Variants in PRORP observed in about 807,000 individuals in gnomAD.
PRORP encodes protein only RNase P catalytic subunit.
Under a neutral mutation model 59.4 loss-of-function variants are expected in PRORP, and 51 were observed. That is an observed-to-expected ratio of 0.86 (90% CI 0.69 to 1.08). The LOEUF is 1.08. Among genes scored for constraint, PRORP ranks in the 50% least tolerant of loss-of-function variants. PRORP has a pLI of 0.00. For missense variants in PRORP, 646 were observed against 690.3 expected (o/e 0.94, Z 0.72); for synonymous variants, 231 against 245.6 (o/e 0.94, Z 0.55).
At chr14:35,232,135 A>G (rs1310656575) in intron 5 of PRORP, among the ~76,000 whole-genome samples, 1 of 152,088 alleles carries the variant, frequency 6.6e-6, no homozygotes, top group Non-Finnish European at 1.5e-5. Flanking sequence ...TTATATCATA[A>G]TGAAAATCAT....
intron 5 of PRORP, chr14:35,222,281 A>G (rs1044526475): frequency 6.6e-6 from 1 of 152,216 alleles, no homozygotes; most frequent in Non-Finnish European, 1.5e-5. Flanking sequence ...ATTCATTAAG[A>G]ACCCATACCC....
intron 7 of PRORP, among the ~76,000 whole-genome samples, chr14:35,271,734 A>G (rs2051194996): frequency 6.6e-6 from 1 of 152,204 alleles, no homozygotes; most frequent in East Asian, 1.9e-4. Context: ...TCAATTATCA[A>G]AAAATATTGG....
At chr14:35,134,413 C>T (rs979866536) in intron 4 of PRORP, among the ~76,000 whole-genome samples, 5 of 152,140 alleles carry the variant, frequency 3.3e-5, no homozygotes, top group African/African-American at 1.2e-4. Flanking sequence ...CTGAAGCTAG[C>T]AATATCAGAG....
intron 6 of PRORP, among the ~76,000 whole-genome samples, chr14:35,269,553 TG>T (rs1436330604): frequency 2.6e-5 from 4 of 152,220 alleles, no homozygotes; most frequent in Admixed American, 6.5e-5. Flanking sequence ...TAGTGAATAG[TG>T]AGTCCTCATG....
intron 4 of PRORP, among the ~76,000 whole-genome samples, chr14:35,156,221 G>C (rs1192628261): frequency 1.3e-5 from 2 of 152,258 alleles, no homozygotes; most frequent in African/African-American, 4.8e-5. Flanking sequence ...CTAACTGGGA[G>C]ATGTGGAGTG....
In PRORP at chr14:35,152,995, C is replaced by T. The variant is rs868470827; in HGVS notation, c.1167+25384C>T. Among the ~76,000 whole-genome samples, 19 of 152,242 alleles carry T rather than the reference C, an allele frequency of 1.2e-4. No homozygotes were observed. In the South Asian group the frequency reaches 2.7e-3, roughly 22 times the overall value. On this transcript the variant is annotated intron_variant, in intron 4 of 7. Transcript: ENST00000534898. ...CTCACTTCCCAGACGGGGTGGCGGC[C>T]GGGCAGAGGCTGTAATCTCGGCACT...
At chr14:35,268,546 C>T (rs879829772) in intron 6 of PRORP, among the ~76,000 whole-genome samples, 5 of 152,092 alleles carry the variant, frequency 3.3e-5, no homozygotes, top group Non-Finnish European at 5.9e-5. Flanking sequence ...AGCCCCAAAT[C>T]TAGGTTTCAT....
intron 5 of PRORP, among the ~76,000 whole-genome samples, chr14:35,207,158 T>C (rs2049315687): frequency 1.3e-5 from 2 of 152,238 alleles, no homozygotes; most frequent in African/African-American, 4.8e-5. Context: ...GTCAGGCCAT[T>C]TACCTGGCGA....
At chr14:35,152,421 G>C (rs550259563) in intron 4 of PRORP, among the ~76,000 whole-genome samples, 1 of 152,306 alleles carries the variant, frequency 6.6e-6, no homozygotes, top group African/African-American at 2.4e-5. Context: ...TCATCATCAT[G>C]GCCCGTTCTC....
chr14:35,235,244 G>A, intron 5 of PRORP: 1 of 723,778 alleles, frequency 1.4e-6, no homozygotes. Flanking sequence ...CACAGACTTG[G>A]GACCCAGGAC....
rs1353397251 is a variant in PRORP, at chr14:35,124,138, C to A, written c.893C>A (p.Ser298Ter). Residue 298 changes from serine (S) to a stop codon, truncating the protein, a stop_gained, in exon 2 of 8, where the codon TCA (serine) becomes TAA (stop). Transcript: ENST00000534898. LOFTEE classifies it high-confidence loss of function. ...FGKDIKDDNY[S>*]NKLLDILSYL... The stretch of plus-strand genomic sequence containing the variant: ...AAAGACATAAAGGATGATAACTATT[C>A]AAATAAACTACTAGATATTCTTTCA... The A allele has an allele frequency of 1.9e-6, 3 of 1,610,200 alleles. No homozygotes were observed. The highest frequency in any genetic ancestry group is 1.7e-5 in the Admixed American group (1 of 59,340).
In PRORP at chr14:35,275,681, GC is replaced by G. The variant is rs1394177560; in HGVS notation, c.*2117del. The G allele has an allele frequency of 6.6e-6, 1 of 152,056 alleles. No homozygotes were observed. The highest frequency in any genetic ancestry group is 1.5e-5 in the Non-Finnish European group (1 of 68,014). 9.4% of individuals were successfully genotyped at this position (152,056 alleles called of 1,614,324 possible). ...GGAGCACATAGAGATAGAGGAGGAG[GC>G]CGAAGTGGTGGCTCATACCTGTTAA... On this transcript the variant is annotated 3_prime_UTR_variant, in exon 8 of 8. Transcript: ENST00000534898.
chr14:35,263,716 A>G (rs1016359723), intron 5 of PRORP, among the ~76,000 whole-genome samples: 1 of 151,920 alleles, frequency 6.6e-6, no homozygotes, highest in Non-Finnish European at 1.5e-5. Context: ...AATATTGGGT[A>G]CTCCGTTACT....
At chr14:35,214,714 C>T (rs868145540) in intron 5 of PRORP, among the ~76,000 whole-genome samples, 1 of 152,148 alleles carries the variant, frequency 6.6e-6, no homozygotes, top group South Asian at 2.1e-4. Flanking sequence ...CGAGACCAGC[C>T]TGGCCAACAT....
At chr14:35,162,299 A>G (rs951784501) in intron 4 of PRORP, among the ~76,000 whole-genome samples, 1 of 152,154 alleles carries the variant, frequency 6.6e-6, no homozygotes, top group Admixed American at 6.5e-5. Flanking sequence ...CTTCATGGAA[A>G]TTTTAACAGT....
At chr14:35,246,016 A>G (rs1276487681) in intron 5 of PRORP, among the ~76,000 whole-genome samples, 1 of 152,176 alleles carries the variant, frequency 6.6e-6, no homozygotes, top group African/African-American at 2.4e-5. Context: ...ATATTATTTC[A>G]GAATTTTGAA....
chr14:35,126,303 C>T (rs745353885), intron 2 of PRORP, among the ~76,000 whole-genome samples: 2 of 152,088 alleles, frequency 1.3e-5, no homozygotes, highest in East Asian at 1.9e-4. Context: ...CTAGGCATTG[C>T]GAGTGTTTTA....
intron 6 of PRORP, among the ~76,000 whole-genome samples, chr14:35,267,158 T>TG (rs1251641214): frequency 6.6e-6 from 1 of 152,140 alleles, no homozygotes; most frequent in African/African-American, 2.4e-5. Context: ...ACCGAATACA[T>TG]GCCATAAGAT....
intron 5 of PRORP, among the ~76,000 whole-genome samples, chr14:35,182,919 A>G (rs755226624): frequency 7.9e-5 from 12 of 152,146 alleles, no homozygotes; most frequent in Non-Finnish European, 8.8e-5. Flanking sequence ...AATGTATTCA[A>G]ATGTGTTCAT....
Sources: gnomAD v4.1 joint callset for allele counts (sites outside exome capture counted in the v4.1 genomes callset) on GRCh38, gnomAD v4.1.1 for gene constraint, MANE v1.5 for transcripts, NCBI Gene and HGNC (gene_info 2026-07-23, HGNC 2026-07-21) for gene names.